Variants in GTF2H2 observed in about 807,000 individuals in gnomAD.
The protein encoded by GTF2H2 is TFIIH basal transcription factor complex p44 subunit.
In GTF2H2, 2 loss-of-function variants were observed where a neutral mutation model predicts 16.5. The ratio of observed to expected loss-of-function variants is 0.12; its 90% CI spans 0.05 to 0.38. The LOEUF (loss-of-function observed/expected upper bound fraction) is 0.38, where lower values mean the gene tolerates loss of function less well. Among genes scored for constraint, GTF2H2 ranks in the 10% least tolerant of loss-of-function variants. The pLI, the probability that GTF2H2 is intolerant of heterozygous loss-of-function variation, is 0.99. For missense variants in GTF2H2, 20 were observed against 137.0 expected (o/e 0.15, Z 4.26); for synonymous variants, 8 against 44.1 (o/e 0.18, Z 3.24).
chr5:71,052,041 T>C (rs1752766090), intron 8 of GTF2H2, among the ~76,000 whole-genome samples: 1 of 139,818 alleles, frequency 7.2e-6, no homozygotes, highest in African/African-American at 2.7e-5. Context: ...CGAGACTCTC[T>C]CTCAAAAACA....
Position 71,052,915 on chromosome 5 carries a change from ATTTTT to A in GTF2H2, c.470+2432_470+2436del, listed in dbSNP as rs1241503525. Among the ~76,000 whole-genome samples the A allele has an allele frequency of 3.7e-3, 164 of 43,978 alleles. 6 individuals carry two copies. Among genetic ancestry groups the A allele is most frequent in the African/African-American group, 7.0e-3 (60 of 8,620 alleles). 28.9% of individuals were successfully genotyped at this position (43,978 alleles called of 152,430 possible). On this transcript the variant is annotated intron_variant, in intron 8 of 15. Transcript: ENST00000274400. The stretch of plus-strand genomic sequence containing the variant: ...AGGTGCTCGCCACTGTGCCTGGCTA[ATTTTT>A]TTTTTTTTTTTTTTTTTTTTTTTTT...
In GTF2H2 at chr5:71,055,295, C is replaced by T. The variant is rs1489681410; in HGVS notation, c.470+57G>A. On this transcript the variant is annotated intron_variant, in intron 8 of 15. Transcript: ENST00000274400. ...TGGGCCCCATATTAACACATCACTT[C>T]AGCTTAACTCATTTAAAAAACTTCT... 6.7e-6 allele frequency: 10 copies of T among 1,496,736 alleles called. 2 individuals are homozygous for T. Among genetic ancestry groups the T allele is most frequent in the Non-Finnish European group, 9.1e-6 (10 of 1,103,064 alleles). The allele number at this position is 1,496,736 out of a possible 1,614,324, so 92.7% of individuals were successfully genotyped here. A position where few individuals can be genotyped will look rare whatever the true frequency, so the allele number is the denominator to read the frequency against.
At chr5:71,038,004 G>T (rs1751846712) in intron 14 of GTF2H2, among the ~76,000 whole-genome samples, 1 of 63,558 alleles carries the variant, frequency 1.6e-5, no homozygotes, top group African/African-American at 5.6e-5. Context: ...AAAAAGAATA[G>T]CAATAATTAA....
rs1234341895 is a variant in GTF2H2, at chr5:71,036,551, A to G, written c.1069-755T>C. On this transcript the variant is annotated intron_variant, in intron 15 of 15. Coordinates refer to ENST00000274400, the Ensembl canonical transcript of GTF2H2. ...GGCGGGTGGATTGCTTGAGCCCAGG[A>G]GTTCAAGACCAGCTGGTCAACATGG... Among the ~76,000 whole-genome samples, 8 of 86,958 alleles carry G rather than the reference A, an allele frequency of 9.2e-5. 3 individuals carry two copies. Among genetic ancestry groups the G allele is most frequent in the African/African-American group, 3.2e-4 (8 of 25,360 alleles). 57.0% of individuals were successfully genotyped at this position (86,958 alleles called of 152,430 possible).
At position 71,057,375 on chromosome 5, in the gene GTF2H2, G is replaced by A. The variant is rs182516798; in HGVS notation, c.365-1918C>T. Among the ~76,000 whole-genome samples, 3 of 142,720 alleles carry A rather than the reference G, an allele frequency of 2.1e-5. No homozygotes were observed. In the Admixed American group the frequency reaches 2.1e-4, roughly 10 times the overall value. 93.6% of individuals were successfully genotyped at this position (142,720 alleles called of 152,430 possible). ...AATATATTAAAAAATAAAATGTTAT[G>A]TAATTGGGTGGAGTTTTTTTGGATT... On this transcript the variant is annotated intron_variant, in intron 7 of 15. Coordinates refer to ENST00000274400, the Ensembl canonical transcript of GTF2H2.
At position 71,060,179 on chromosome 5, in the gene GTF2H2, AC is replaced by A; in HGVS notation, c.259-10del. Reference sequence around the variant, plus strand: ...ACAAAGTATTCCAACAACTGTTTAAACAAAAAAAGACATACTAGATAAAGGC... The same window carrying A: ...ACAAAGTATTCCAACAACTGTTTAAAAAAAAAAGACATACTAGATAAAGGC... On this transcript the variant is annotated splice_polypyrimidine_tract_variant and intron_variant, in intron 5 of 15. Coordinates refer to ENST00000274400, the Ensembl canonical transcript of GTF2H2. 1 of 173,982 alleles carries A rather than the reference AC, an allele frequency of 5.7e-6. No individual in the cohort carries two copies. The highest frequency in any genetic ancestry group is 1.0e-5 in the Non-Finnish European group (1 of 97,100). 10.8% of individuals were successfully genotyped at this position (173,982 alleles called of 1,614,324 possible).
At chr5:71,055,353 T>G in exon 8 of GTF2H2, 1 of 1,575,484 alleles carries the variant, frequency 6.3e-7, no homozygotes, top group East Asian at 2.3e-5. Flanking sequence ...AATACTAACT[T>G]TAGAGTCTGC....
Position 71,053,016 on chromosome 5 carries a change from A to C in GTF2H2, c.470+2336T>G, listed in dbSNP as rs569275287. ...ACTCATGGCCTCAGGTGATCCTCCCATCTTAGCCTCCCAAAGTGTTGCAGT... is the reference window on the plus strand; with the variant it reads ...ACTCATGGCCTCAGGTGATCCTCCCCTCTTAGCCTCCCAAAGTGTTGCAGT... On this transcript the variant is annotated intron_variant, in intron 8 of 15. Coordinates refer to ENST00000274400, the Ensembl canonical transcript of GTF2H2. 4.7e-4 allele frequency among the ~76,000 whole-genome samples: 46 copies of C among 98,712 alleles called. 4 individuals are homozygous for C. Among genetic ancestry groups the C allele is most frequent in the African/African-American group, 1.8e-3 (42 of 22,872 alleles). 64.8% of individuals were successfully genotyped at this position (98,712 alleles called of 152,430 possible).
At position 71,054,702 on chromosome 5, in the gene GTF2H2, T is replaced by A. The variant is rs1411457165; in HGVS notation, c.470+650A>T. Among the ~76,000 whole-genome samples the A allele has an allele frequency of 3.9e-3, 492 of 127,056 alleles. 44 individuals are homozygous for A. The highest frequency in any genetic ancestry group is 0.013 in the African/African-American group (404 of 31,472). 83.4% of individuals were successfully genotyped at this position (127,056 alleles called of 152,430 possible). A position where few individuals can be genotyped will look rare whatever the true frequency, so the allele number is the denominator to read the frequency against. On this transcript the variant is annotated intron_variant, in intron 8 of 15. Transcript: ENST00000274400. ...AGCAAGACTCTGTCTCGAAAAAAAA[T>A]ATATATATACGTGTGTGTGTGTGTG...
At chr5:71,037,891 G>T (rs1449034643) in intron 14 of GTF2H2, among the ~76,000 whole-genome samples, 1 of 58,132 alleles carries the variant, frequency 1.7e-5, no homozygotes, top group Non-Finnish European at 3.2e-5. Flanking sequence ...AGAATCGCTT[G>T]AACCCAGGAC....
At chr5:71,055,141 A>AT (rs1439270094) in intron 8 of GTF2H2, 1 of 401,918 alleles carries the variant, frequency 2.5e-6, no homozygotes, top group African/African-American at 2.3e-5. Flanking sequence ...TTTAAATTAT[A>AT]TTTTTATAAA....
chr5:71,058,411 AT>A (rs1753433032), intron 7 of GTF2H2: 1 of 134,216 alleles, frequency 7.5e-6, no homozygotes, highest in South Asian at 2.3e-4. Flanking sequence ...AAAATACTTC[AT>A]TTCCTGGCCA....
rs1752867782 is a variant in GTF2H2, at chr5:71,052,915, A to ATTGT, written c.470+2436_470+2437insACAA. On this transcript the variant is annotated intron_variant, in intron 8 of 15. Transcript: ENST00000274400. Reference sequence around the variant, plus strand: ...AGGTGCTCGCCACTGTGCCTGGCTAATTTTTTTTTTTTTTTTTTTTTTTTT... The same window carrying ATTGT: ...AGGTGCTCGCCACTGTGCCTGGCTAATTGTTTTTTTTTTTTTTTTTTTTTTTTTT... 8.2e-4 allele frequency among the ~76,000 whole-genome samples: 36 copies of ATTGT among 44,052 alleles called. 3 individuals carry two copies. Among genetic ancestry groups the ATTGT allele is most frequent in the Non-Finnish European group, 1.2e-3 (33 of 26,886 alleles). 28.9% of individuals were successfully genotyped at this position (44,052 alleles called of 152,430 possible).
chr5:71,045,123 AC>A (rs1175566921), intron 12 of GTF2H2, among the ~76,000 whole-genome samples: 15 of 123,718 alleles, frequency 1.2e-4, no homozygotes, highest in African/African-American at 5.4e-4. Flanking sequence ...TTTTCCCTAC[AC>A]ACTCACTGAG....
chr5:71,052,890 A>G (rs550728476), intron 8 of GTF2H2, among the ~76,000 whole-genome samples: 1 of 79,080 alleles, frequency 1.3e-5, no homozygotes, highest in African/African-American at 5.7e-5. Flanking sequence ...GACTACATAC[A>G]GGTGCTCGCC....
chr5:71,063,641 C>A, intron 1 of GTF2H2, among the ~76,000 whole-genome samples: 1 of 129,108 alleles, frequency 7.7e-6, no homozygotes, highest in African/African-American at 3.1e-5. Flanking sequence ...ATAGCAAAGA[C>A]ATCAAATCAA....
At chr5:71,052,933 T>A (rs1201688358) in intron 8 of GTF2H2, among the ~76,000 whole-genome samples, 1 of 109,396 alleles carries the variant, frequency 9.1e-6, no homozygotes, top group Non-Finnish European at 1.9e-5. Flanking sequence ...TTTTTTTTTT[T>A]TTTTTTTTTT....
chr5:71,057,230 T>G lies in GTF2H2; in HGVS notation c.365-1773A>C, dbSNP rs368256693. Among the ~76,000 whole-genome samples, 36 of 92,812 alleles carry G rather than the reference T, an allele frequency of 3.9e-4. 1 individual carries two copies. In the East Asian group the frequency reaches 9.5e-3, roughly 25 times the overall value. The allele number at this position is 92,812 out of a possible 152,430, so 60.9% of individuals were successfully genotyped here. ...CCCTAAATATAATTTCAGGAACAAT[T>G]TTTATGCTTTTCTAAAAAATATTGA... On this transcript the variant is annotated intron_variant, in intron 7 of 15. Coordinates refer to ENST00000274400, the Ensembl canonical transcript of GTF2H2.
intron 3 of GTF2H2, 149 bp downstream of exon 3, chr5:71,061,539 A>G (rs1382679318): frequency 2.8e-6 from 1 of 353,708 alleles, no homozygotes; most frequent in Non-Finnish European, 5.1e-6. Context: ...GGGCAAGGGT[A>G]GGTGGCTAGT....
Sources: allele counts gnomAD v4.1 joint callset (sites outside exome capture counted in the v4.1 genomes callset), GRCh38; gene constraint gnomAD v4.1.1; transcripts MANE v1.5; gene names NCBI Gene and HGNC (gene_info 2026-07-23, HGNC 2026-07-21).